CTNND2: variants seen among roughly 807,000 people sequenced by gnomAD.
CTNND2 encodes the protein catenin delta-2.
A neutral mutation model predicts 144.4 loss-of-function variants in CTNND2; 22 were observed. That is an observed-to-expected ratio of 0.15 (90% CI 0.11 to 0.22). The LOEUF is 0.22. CTNND2 is among the 10% of genes least tolerant of loss of function. CTNND2 has a pLI of 1.00. For missense variants in CTNND2, 1,353 were observed against 1,618.8 expected (o/e 0.84, Z 2.82); for synonymous variants, 751 against 695.6 (o/e 1.08, Z -1.25).
intron 12 of CTNND2, among the ~76,000 whole-genome samples, chr5:11,133,037 C>A (rs1455697691): frequency 2.6e-5 from 4 of 152,162 alleles, no homozygotes. Context: ...TAAAAACAGA[C>A]AAACCATGTT....
intron 1 of CTNND2, among the ~76,000 whole-genome samples, chr5:11,744,595 C>T (rs1186224688): frequency 6.6e-6 from 1 of 152,020 alleles, no homozygotes; most frequent in Non-Finnish European, 1.5e-5. Flanking sequence ...GGAGCACTGG[C>T]GTGAGCCTCG....
At chr5:11,611,478 TGACA>T (rs1780319296) in intron 2 of CTNND2, among the ~76,000 whole-genome samples, 1 of 152,194 alleles carries the variant, frequency 6.6e-6, no homozygotes, top group Non-Finnish European at 1.5e-5. Context: ...CAGGATGCAA[TGACA>T]AAGGTTTATC....
At chr5:11,235,667 G>A (rs1741547249) in intron 10 of CTNND2, among the ~76,000 whole-genome samples, 2 of 152,226 alleles carry the variant, frequency 1.3e-5, no homozygotes, top group South Asian at 4.2e-4. Flanking sequence ...GATATCAAAT[G>A]TACCTTGGGA....
At chr5:11,257,652 C>T (rs1744407920) in intron 9 of CTNND2, among the ~76,000 whole-genome samples, 1 of 152,012 alleles carries the variant, frequency 6.6e-6, no homozygotes, top group Non-Finnish European at 1.5e-5. Flanking sequence ...TAGGTTTCTC[C>T]CAAGACACAT....
chr5:11,777,612 G>T (rs1439615117), intron 1 of CTNND2, among the ~76,000 whole-genome samples: 1 of 152,120 alleles, frequency 6.6e-6, no homozygotes, highest in African/African-American at 2.4e-5. Flanking sequence ...TTGGGAAATG[G>T]GGGGGCTTCT....
intron 3 of CTNND2, among the ~76,000 whole-genome samples, chr5:11,480,541 G>A (rs545302252): frequency 2.0e-4 from 30 of 152,060 alleles, no homozygotes; most frequent in African/African-American, 6.8e-4. Context: ...CTTTTCTAAC[G>A]CGATTCAGTA....
At chr5:11,416,597 C>T (rs965781919) in intron 3 of CTNND2, among the ~76,000 whole-genome samples, 6 of 152,222 alleles carry the variant, frequency 3.9e-5, no homozygotes, top group African/African-American at 1.4e-4. Flanking sequence ...AAGGTAGATG[C>T]TTTTTAAAAA....
intron 1 of CTNND2, among the ~76,000 whole-genome samples, chr5:11,763,606 A>C (rs1191277681): frequency 6.6e-6 from 1 of 152,178 alleles, no homozygotes; most frequent in Non-Finnish European, 1.5e-5. Context: ...CAAAGTAAGT[A>C]ATAGAGAATT....
intron 7 of CTNND2, among the ~76,000 whole-genome samples, chr5:11,369,474 G>T (rs1757266750): frequency 6.6e-6 from 1 of 152,196 alleles, no homozygotes; most frequent in East Asian, 1.9e-4. Context: ...GTTTTCATTT[G>T]GCCAACAAAA....
chr5:11,542,133 G>A (rs1774816297), intron 3 of CTNND2, among the ~76,000 whole-genome samples: 1 of 152,094 alleles, frequency 6.6e-6, no homozygotes, highest in African/African-American at 2.4e-5. Flanking sequence ...CAACACAAGA[G>A]TATATGCCTG....
chr5:11,851,884 G>A (rs966949647), intron 1 of CTNND2, among the ~76,000 whole-genome samples: 5 of 152,190 alleles, frequency 3.3e-5, no homozygotes, highest in Non-Finnish European at 5.9e-5. Flanking sequence ...GTAGCTAAAT[G>A]CAGTCGATGC....
chr5:11,360,839 C>T (rs956549349), intron 8 of CTNND2, among the ~76,000 whole-genome samples: 12 of 152,036 alleles, frequency 7.9e-5, no homozygotes, highest in Non-Finnish European at 1.6e-4. Context: ...TCTTTGAATC[C>T]GCCAGTACAT....
Position 11,384,940 on chromosome 5 carries a change from T to C in CTNND2, c.902A>G (p.Lys301Arg), listed in dbSNP as rs1161080326. 1.3e-6 allele frequency: 2 copies of C among 1,591,654 alleles called. No homozygotes were observed. The highest frequency in any genetic ancestry group is 1.7e-6 in the Non-Finnish European group (2 of 1,171,656). ...TYAAPRGSSP[K>R]QSPSRLAKSY... ...CTTGGCCAGGCGGCTGGGCGACTGC[T>C]TGGGCGAGGAGCCGCGCGGCGCGGC... Residue 301 changes from lysine (K) to arginine (R), a missense_variant, in exon 7 of 22, where the codon AAG becomes AGG. By Grantham distance (26) the Lys-to-Arg change is conservative. Transcript: ENST00000304623. This position sits in a 1 kb window ranked among gnomAD's most constrained non-coding sequence, Gnocchi z 5.2.
intron 12 of CTNND2, among the ~76,000 whole-genome samples, chr5:11,141,036 C>T (rs1019064358): frequency 2.4e-4 from 36 of 152,170 alleles, no homozygotes; most frequent in African/African-American, 7.0e-4. Flanking sequence ...CTCAATGCAG[C>T]CTCTACCTCC....
chr5:11,004,054 G>C (rs868536029), intron 18 of CTNND2, among the ~76,000 whole-genome samples: 9 of 152,206 alleles, frequency 5.9e-5, no homozygotes, highest in Admixed American at 5.9e-4. Context: ...TGGAAAAAAT[G>C]TATATGATTT....
chr5:11,169,836 C>T (rs2149784625), intron 11 of CTNND2, among the ~76,000 whole-genome samples: 1 of 152,226 alleles, frequency 6.6e-6, no homozygotes, highest in South Asian at 2.1e-4. Flanking sequence ...GGTTCTACGG[C>T]TTTCAAAGAA....
chr5:11,359,059 C>A (rs974418954), intron 8 of CTNND2, among the ~76,000 whole-genome samples: 1 of 152,108 alleles, frequency 6.6e-6, no homozygotes, highest in African/African-American at 2.4e-5. Flanking sequence ...TCAAATAACT[C>A]CTAAATTGAC....
chr5:11,446,223 T>C (rs879598301), intron 3 of CTNND2, among the ~76,000 whole-genome samples: 5 of 152,224 alleles, frequency 3.3e-5, no homozygotes, highest in Admixed American at 3.3e-4. Context: ...TCCACCTGCC[T>C]TGGCCTCCCA....
At chr5:11,266,941 C>T (rs1468792172) in intron 9 of CTNND2, among the ~76,000 whole-genome samples, 19 of 152,260 alleles carry the variant, frequency 1.2e-4, no homozygotes, top group African/African-American at 4.3e-4. Flanking sequence ...TGCAATGGCG[C>T]GATCTCAGCT....
Sources: allele counts gnomAD v4.1 joint callset (sites outside exome capture counted in the v4.1 genomes callset), GRCh38; gene constraint gnomAD v4.1.1; non-coding constraint Gnocchi (gnomAD v3.1); transcripts MANE v1.5; gene names NCBI Gene and HGNC (gene_info 2026-07-23, HGNC 2026-07-21).